ALG13: variants seen among roughly 807,000 people sequenced by gnomAD.
ALG13 encodes the protein ALG13 UDP-N-acetylglucosaminyltransferase subunit.
Under a neutral mutation model 87.8 loss-of-function variants are expected in ALG13, and 11 were observed. That is an observed-to-expected ratio of 0.13 (90% CI 0.08 to 0.21). The LOEUF (loss-of-function observed/expected upper bound fraction) is 0.21. Among genes scored for constraint, ALG13 ranks in the 10% least tolerant of loss-of-function variants. The probability of loss-of-function intolerance (pLI) is 1.00; values close to 1 mark genes in which losing one functional copy is unlikely to be tolerated. For synonymous variants in ALG13, 320 were observed against 306.3 expected, an observed-to-expected ratio of 1.04 and a Z score of -0.47; for missense variants, 756 against 866.1, an observed-to-expected ratio of 0.87 and a Z score of 1.60.
At chrX:111,704,175 C>T (rs1360343888) in intron 3 of ALG13, among the ~76,000 whole-genome samples, 3 of 111,336 alleles carry the variant, frequency 2.7e-5, no homozygotes, top group Non-Finnish European at 5.7e-5. Context: ...TTCACACCCA[C>T]CAGGTTTACT....
chrX:111,685,788 C>T (rs1466767924), intron 3 of ALG13, among the ~76,000 whole-genome samples: 3 of 111,475 alleles, frequency 2.7e-5, no homozygotes, highest in Non-Finnish European at 5.6e-5. Flanking sequence ...ATCTGAGACC[C>T]GAAATACAAG....
intron 15 of ALG13, among the ~76,000 whole-genome samples, chrX:111,726,236 T>G (rs1361263600): frequency 3.1e-5 from 3 of 96,829 alleles, no homozygotes; most frequent in South Asian, 5.2e-4. Flanking sequence ...TGTTTTGTTT[T>G]TTTTTTTTTT....
At chrX:111,693,131 G>T (rs1202906615) in intron 3 of ALG13, among the ~76,000 whole-genome samples, 1 of 104,522 alleles carries the variant, frequency 9.6e-6, no homozygotes, top group Non-Finnish European at 1.9e-5. Context: ...AATTCCCTAC[G>T]TGAATGCTCT....
At chrX:111,752,465 G>T (rs1944839815) in intron 24 of ALG13, among the ~76,000 whole-genome samples, 2 of 110,367 alleles carry the variant, frequency 1.8e-5, no homozygotes, top group Admixed American at 1.9e-4. Context: ...ACCCAGGCTG[G>T]AGTGCAGTGG....
At chrX:111,723,996 C>G (rs1941692198) in intron 14 of ALG13, 98 bp downstream of exon 14, 1 of 529,184 alleles carries the variant, frequency 1.9e-6, no homozygotes, top group South Asian at 3.6e-5. Flanking sequence ...AGTAAGAGAA[C>G]CAGAATTGTA....
intron 11 of ALG13, among the ~76,000 whole-genome samples, chrX:111,720,412 G>T (rs1941252847): frequency 8.9e-6 from 1 of 111,824 alleles, no homozygotes; most frequent in Non-Finnish European, 1.9e-5. Context: ...AATTTCAAGA[G>T]CAATATGTTT....
At chrX:111,728,649 G>A (rs888349552) in intron 19 of ALG13, among the ~76,000 whole-genome samples, 7 of 111,231 alleles carry the variant, frequency 6.3e-5, no homozygotes, top group African/African-American at 2.0e-4. Context: ...ATTTGTATAT[G>A]TTAGGCTTTT....
chrX:111,744,225 C>T (rs1225249099), intron 23 of ALG13, among the ~76,000 whole-genome samples: 1 of 111,785 alleles, frequency 8.9e-6, no homozygotes, highest in African/African-American at 3.3e-5. Flanking sequence ...TCAAGGATTG[C>T]TAAAATCTGT....
intron 26 of ALG13, among the ~76,000 whole-genome samples, chrX:111,759,317 A>G (rs999805294): frequency 9.0e-6 from 1 of 111,193 alleles, no homozygotes; most frequent in African/African-American, 3.3e-5. Context: ...ACTTTCAGGT[A>G]TAGACCAGAA....
intron 25 of ALG13, among the ~76,000 whole-genome samples, chrX:111,756,923 A>G (rs1945309230): frequency 8.9e-6 from 1 of 112,077 alleles, no homozygotes; most frequent in South Asian, 3.7e-4. Flanking sequence ...TCACATGTGG[A>G]AACTTTGTAA....
intron 26 of ALG13, among the ~76,000 whole-genome samples, chrX:111,758,036 T>A (rs867234415): frequency 1.4e-4 from 16 of 111,549 alleles, no homozygotes; most frequent in African/African-American, 5.2e-4. Flanking sequence ...TGCTGACACC[T>A]AAGCACTAGT....
At position 111,726,914 on chromosome X, in the gene ALG13, C is replaced by A. The variant is rs1277508323; in HGVS notation, c.1835C>A (p.Pro612Gln). ...MAYGKGDPLLPPRLQHSMHYG... is the reference protein window; with the variant it reads ...MAYGKGDPLLQPRLQHSMHYG... ...TACGGCAAGGGAGACCCCCTCCTCC[C>A]ACCCAGGCTGCAGCACAGTATGCAT... Residue 612 changes from proline (P) to glutamine (Q), a missense_variant, in exon 16 of 27, where the codon CCA (proline) becomes CAA (glutamine). Transcript: ENST00000394780. 1 of 1,211,609 alleles carries A rather than the reference C, an allele frequency of 8.3e-7. No individual in the cohort carries two copies. Among genetic ancestry groups the A allele is most frequent in the Non-Finnish European group, 1.1e-6 (1 of 895,396 alleles).
intron 3 of ALG13, 46 bp from the exon 4 acceptor site, chrX:111,707,981 A>C: frequency 8.6e-7 from 1 of 1,156,733 alleles, no homozygotes; most frequent in Non-Finnish European, 1.2e-6. Flanking sequence ...GCTTAGTCTG[A>C]GTTCCCTATT....
chrX:111,724,881 G>A, intron 14 of ALG13, 53 bp from the exon 15 acceptor site: 1 of 1,176,293 alleles, frequency 8.5e-7, no homozygotes, highest in East Asian at 3.0e-5. Flanking sequence ...TGTATTGAAT[G>A]AAAGTTAAGT....
chrX:111,723,820 G>A lies in ALG13; in HGVS notation c.1523G>A (p.Arg508Lys). ...KCQVCLESEG[R>K]YYNAHIQEVG... ...CAGGTTTGCTTGGAATCAGAAGGAA[G>A]ATATTATAATGCTCATATCCAGGAA... The change falls in exon 14 of 27, where the codon AGA (arginine) becomes AAA (lysine). Residue 508 changes from arginine to lysine, a missense_variant. Arg to Lys is a conservative substitution (Grantham distance 26). Coordinates refer to ENST00000394780, the MANE Select transcript of ALG13 (RefSeq NM_001099922.3). 1 of 1,180,403 alleles carries A rather than the reference G, an allele frequency of 8.5e-7. No individual in the cohort carries two copies. Among genetic ancestry groups the A allele is most frequent in the Non-Finnish European group, 1.1e-6 (1 of 877,235 alleles).
intron 5 of ALG13, among the ~76,000 whole-genome samples, chrX:111,709,411 A>G (rs776039346): frequency 8.9e-6 from 1 of 112,468 alleles, no homozygotes; most frequent in Non-Finnish European, 1.9e-5. Flanking sequence ...ATATTTTGCA[A>G]TGCATATTTT....
intron 3 of ALG13, chrX:111,687,910 C>T (rs1352877688): frequency 1.7e-6 from 2 of 1,174,173 alleles, no homozygotes; most frequent in Non-Finnish European, 1.1e-6. Flanking sequence ...CTGTTACAGT[C>T]AATGGACTTA....
At chrX:111,748,436 A>T (rs1371428765) in intron 24 of ALG13, among the ~76,000 whole-genome samples, 1 of 111,641 alleles carries the variant, frequency 9.0e-6, no homozygotes, top group Non-Finnish European at 1.9e-5. Context: ...TAGGTCTGTG[A>T]TCCATTTTGA....
intron 3 of ALG13, chrX:111,687,890 G>A (rs1168438563): frequency 7.0e-6 from 8 of 1,148,385 alleles, no homozygotes; most frequent in African/African-American, 1.8e-5. Flanking sequence ...GTTTTAGCAC[G>A]CTTCCTGGGC....
Sources: gnomAD v4.1 joint callset for allele counts (sites outside exome capture counted in the v4.1 genomes callset) on GRCh38, gnomAD v4.1.1 for gene constraint, MANE v1.5 for transcripts, NCBI Gene and HGNC (gene_info 2026-07-23, HGNC 2026-07-21) for gene names.